The following CNKSR3 variants were observed in gnomAD, a reference collection of about 807,000 sequenced individuals.
CNKSR3 encodes the protein connector enhancer of kinase suppressor of ras 3.
In CNKSR3, 36 loss-of-function variants were observed where a neutral mutation model predicts 67.7. That is an observed-to-expected ratio of 0.53 (90% CI 0.41 to 0.70). The LOEUF (loss-of-function observed/expected upper bound fraction) is 0.70. Among genes scored for constraint, CNKSR3 ranks in the 30% least tolerant of loss-of-function variants. The pLI, the probability that CNKSR3 is intolerant of heterozygous loss-of-function variation, is 0.00. For missense variants in CNKSR3, 630 were observed against 695.2 expected (o/e 0.91, Z 1.05); for synonymous variants, 281 against 271.4 (o/e 1.04, Z -0.35).
At chr6:154,464,617 G>A (rs766782356) in intron 1 of CNKSR3, among the ~76,000 whole-genome samples, 1 of 151,736 alleles carries the variant, frequency 6.6e-6, no homozygotes, top group Non-Finnish European at 1.5e-5. Flanking sequence ...TCGGGAGGCT[G>A]AGGCAGGGGA....
rs1786864338 is a variant in CNKSR3, at chr6:154,495,758, C to T, written c.52+14305G>A. Among the ~76,000 whole-genome samples the T allele has an allele frequency of 2.6e-5, 4 of 152,082 alleles. No individual in the cohort carries two copies. In the South Asian group the frequency reaches 8.3e-4, roughly 32 times the overall value. ...AAAGTTCTCCCTCTCACCACTCCCA[C>T]GTGTATTCAGACCCTGCCAGGGCGC... On this transcript the variant is annotated intron_variant, in intron 1 of 12. Transcript: ENST00000607772.
chr6:154,485,908 A>C (rs1786656174), intron 1 of CNKSR3, among the ~76,000 whole-genome samples: 1 of 152,130 alleles, frequency 6.6e-6, no homozygotes, highest in African/African-American at 2.4e-5. Context: ...TGGTTTCCTT[A>C]ATTGGGCTTG....
At chr6:154,496,563 T>C (rs1786883137) in intron 1 of CNKSR3, among the ~76,000 whole-genome samples, 2 of 152,236 alleles carry the variant, frequency 1.3e-5, no homozygotes, top group Admixed American at 6.5e-5. Context: ...TTGATGTATT[T>C]CCTTCTTGTC....
At chr6:154,455,060 G>C (rs1562340602) in intron 1 of CNKSR3, among the ~76,000 whole-genome samples, 1 of 151,598 alleles carries the variant, frequency 6.6e-6, no homozygotes, top group Non-Finnish European at 1.5e-5. Flanking sequence ...TGTAATCCCA[G>C]CACTTTGGGA....
intron 2 of CNKSR3, among the ~76,000 whole-genome samples, chr6:154,444,093 T>C (rs1256583256): frequency 6.6e-6 from 1 of 152,146 alleles, no homozygotes; most frequent in African/African-American, 2.4e-5. Context: ...AATTGTTTCA[T>C]CATTTTTAAA....
chr6:154,433,752 G>A (rs1785416274), intron 4 of CNKSR3: 1 of 396,240 alleles, frequency 2.5e-6, no homozygotes, highest in Non-Finnish European at 4.5e-6. Context: ...GAACCCACTT[G>A]GCCAATTACT....
At chr6:154,481,186 G>A (rs540996198) in intron 1 of CNKSR3, among the ~76,000 whole-genome samples, 3 of 151,426 alleles carry the variant, frequency 2.0e-5, no homozygotes, top group Non-Finnish European at 4.4e-5. Context: ...TTTGATAGCA[G>A]TCAGTTCTAA....
intron 5 of CNKSR3, among the ~76,000 whole-genome samples, chr6:154,432,947 A>G (rs1018767501): frequency 2.0e-5 from 3 of 152,198 alleles, no homozygotes; most frequent in African/African-American, 7.2e-5. Flanking sequence ...TGGAAAATAT[A>G]TTTATAGCAG....
chr6:154,443,840 C>T (rs1280405097), intron 2 of CNKSR3, among the ~76,000 whole-genome samples: 3 of 152,136 alleles, frequency 2.0e-5, no homozygotes, highest in Non-Finnish European at 4.4e-5. Flanking sequence ...GCCTGAGTGA[C>T]AGAGAGAGAC....
Position 154,453,000 on chromosome 6 carries a change from A to C in CNKSR3, c.53-2742T>G, listed in dbSNP as rs568027598. 1.4e-4 allele frequency among the ~76,000 whole-genome samples: 21 copies of C among 152,352 alleles called. 1 individual carries two copies. The South Asian group carries it at 3.1e-3, about 23-fold the overall frequency. On this transcript the variant is annotated intron_variant, in intron 1 of 12. Transcript: ENST00000607772. ...GAAGCAACATAATACAAATACAATAACATTTCCTTTCATATTAATCCACAC... is the reference window on the plus strand; with the variant it reads ...GAAGCAACATAATACAAATACAATACCATTTCCTTTCATATTAATCCACAC...
chr6:154,457,692 A>G (rs1260262327), intron 1 of CNKSR3, among the ~76,000 whole-genome samples: 4 of 152,142 alleles, frequency 2.6e-5, no homozygotes, highest in Admixed American at 2.6e-4. Flanking sequence ...TCACAGCTGA[A>G]CTTATGTCTT....
intron 2 of CNKSR3, among the ~76,000 whole-genome samples, chr6:154,449,147 C>T (rs1363145061): frequency 6.6e-6 from 1 of 152,130 alleles, no homozygotes; most frequent in East Asian, 1.9e-4. Context: ...AAGCCAAAAC[C>T]CATCATCTAC....
chr6:154,477,404 A>T (rs1786474652), intron 1 of CNKSR3, among the ~76,000 whole-genome samples: 1 of 151,858 alleles, frequency 6.6e-6, no homozygotes, highest in Admixed American at 6.6e-5. Context: ...TCTGCCTCCC[A>T]CTTTCAAGCA....
chr6:154,476,455 C>A (rs1466653422), intron 1 of CNKSR3, among the ~76,000 whole-genome samples: 1 of 103,728 alleles, frequency 9.6e-6, no homozygotes, highest in African/African-American at 5.6e-5. Flanking sequence ...GAAACTATGT[C>A]TCAAAAAAAA....
intron 1 of CNKSR3, among the ~76,000 whole-genome samples, chr6:154,509,142 G>A (rs1190158943): frequency 3.3e-5 from 5 of 151,868 alleles, no homozygotes; most frequent in Non-Finnish European, 7.4e-5. Context: ...GGGGTGGGGG[G>A]AAACCATGAA....
At chr6:154,418,163 G>A (rs945858897) in intron 9 of CNKSR3, among the ~76,000 whole-genome samples, 1 of 152,146 alleles carries the variant, frequency 6.6e-6, no homozygotes, top group Non-Finnish European at 1.5e-5. Context: ...GAGCTGCCTC[G>A]CCCGAGCAGG....
chr6:154,437,168 A>C (rs1347135934), intron 4 of CNKSR3, among the ~76,000 whole-genome samples: 2 of 152,094 alleles, frequency 1.3e-5, no homozygotes, highest in Non-Finnish European at 2.9e-5. Context: ...TTATTCCTCC[A>C]ATTCCCCAGT....
At chr6:154,431,472 A>C (rs1177466725) in intron 5 of CNKSR3, among the ~76,000 whole-genome samples, 1 of 151,452 alleles carries the variant, frequency 6.6e-6, no homozygotes, top group Non-Finnish European at 1.5e-5. Context: ...GCCACCAAAA[A>C]CAAATTATGA....
intron 1 of CNKSR3, among the ~76,000 whole-genome samples, chr6:154,470,794 AT>A (rs1270331967): frequency 6.6e-6 from 1 of 152,104 alleles, no homozygotes; most frequent in African/African-American, 2.4e-5. Context: ...TCTCTTGGGG[AT>A]ATACCTAGGA....
Sources: allele counts gnomAD v4.1 joint callset (sites outside exome capture counted in the v4.1 genomes callset), GRCh38; gene constraint gnomAD v4.1.1; transcripts MANE v1.5; gene names NCBI Gene and HGNC (gene_info 2026-07-23, HGNC 2026-07-21).